Variants in C17orf67 observed in about 807,000 individuals in gnomAD.
C17orf67 encodes chromosome 17 open reading frame 67, also known as uncharacterized protein C17orf67.
In C17orf67, 12 loss-of-function variants were observed where a neutral mutation model predicts 11.2. The ratio of observed to expected loss-of-function variants is 1.07; its 90% confidence interval spans 0.68 to 1.73. The LOEUF (loss-of-function observed/expected upper bound fraction) is 1.73. C17orf67 is among the 40% of genes most tolerant of loss of function. The pLI is 0.00. For missense variants in C17orf67, 115 were observed against 113.5 expected (o/e 1.01, Z -0.06); for synonymous variants, 59 against 46.9 (o/e 1.26, Z -1.05).
chr17:56,829,917 T>C (rs1386354397), intron 2 of C17orf67, among the ~76,000 whole-genome samples: 1 of 152,244 alleles, frequency 6.6e-6, no homozygotes, highest in Non-Finnish European at 1.5e-5. Flanking sequence ...CTCTACAAAA[T>C]TATTGCACTT....
At position 56,828,951 on chromosome 17, in the gene C17orf67, T is replaced by C. The variant is rs1203009557; in HGVS notation, c.-556-3630A>G. Among the ~76,000 whole-genome samples, 4 of 151,928 alleles carry C rather than the reference T, an allele frequency of 2.6e-5. No homozygotes were observed. The East Asian group carries it at 7.7e-4, about 29-fold the overall frequency. On this transcript the variant is annotated intron_variant, in intron 2 of 7. Transcript: ENST00000397861. ...ACATCCCCAGTTTTGTAGATGCTTA[T>C]AAGGTGAACAGCACCAACGCAATGC...
intron 6 of C17orf67, 149 bp downstream of exon 6, chr17:56,814,720 G>C (rs1905712593): frequency 1.3e-6 from 1 of 763,040 alleles, no homozygotes; most frequent in Admixed American, 2.0e-5. Context: ...AAATGCATAG[G>C]TAAAAGATTG....
At chr17:56,821,014 A>T (rs1905890951) in intron 4 of C17orf67, among the ~76,000 whole-genome samples, 1 of 151,886 alleles carries the variant, frequency 6.6e-6, no homozygotes, top group Non-Finnish European at 1.5e-5. Flanking sequence ...GGTTCCAATG[A>T]TCCTCCTGCC....
chr17:56,803,406 A>G (rs1905372141), intron 6 of C17orf67, among the ~76,000 whole-genome samples: 1 of 152,260 alleles, frequency 6.6e-6, no homozygotes. Flanking sequence ...CACTGGTGAT[A>G]TTAACGAATG....
intron 6 of C17orf67, among the ~76,000 whole-genome samples, chr17:56,813,229 C>T (rs148315656): frequency 2.0e-5 from 3 of 151,802 alleles, no homozygotes; most frequent in East Asian, 1.9e-4. Flanking sequence ...ACCCGCCAGC[C>T]GCCAACAGGA....
chr17:56,815,032 C>T, intron 5 of C17orf67, 63 bp from the exon 6 acceptor site: 3 of 1,342,486 alleles, frequency 2.2e-6, no homozygotes, highest in Non-Finnish European at 3.2e-6. Flanking sequence ...GCCATCTCAA[C>T]AGTCCAAGGC....
chr17:56,809,723 A>G, intron 6 of C17orf67, among the ~76,000 whole-genome samples: 1 of 124,242 alleles, frequency 8.0e-6, no homozygotes, highest in South Asian at 2.7e-4. Context: ...TCACACATAC[A>G]CCCTCACACC....
chr17:56,806,370 A>G (rs574261769), intron 6 of C17orf67, among the ~76,000 whole-genome samples: 1 of 152,308 alleles, frequency 6.6e-6, no homozygotes, highest in South Asian at 2.1e-4. Flanking sequence ...TATACAAGTA[A>G]TTACTCTAGT....
At chr17:56,823,726 T>C (rs1905960668) in intron 4 of C17orf67, among the ~76,000 whole-genome samples, 1 of 152,218 alleles carries the variant, frequency 6.6e-6, no homozygotes, top group Non-Finnish European at 1.5e-5. Flanking sequence ...CTAAATGAGT[T>C]GAAAACTCAT....
At position 56,822,437 on chromosome 17, in the gene C17orf67, G is replaced by T. The variant is rs534334742; in HGVS notation, c.-201+2302C>A. Among the ~76,000 whole-genome samples the T allele has an allele frequency of 2.4e-3, 368 of 152,250 alleles. 1 individual carries two copies. The highest frequency in any genetic ancestry group is 2.4e-3 in the Non-Finnish European group (162 of 68,008). ...TGCCTGTGTTACGTTGGAGCTGAGTGACATTGGGGAAATTTCTTAACTTTC... is the reference window on the plus strand; with the variant it reads ...TGCCTGTGTTACGTTGGAGCTGAGTTACATTGGGGAAATTTCTTAACTTTC... On this transcript the variant is annotated intron_variant, in intron 4 of 7. Transcript: ENST00000397861.
chr17:56,830,828 G>A (rs1401460606), intron 2 of C17orf67, among the ~76,000 whole-genome samples: 1 of 152,270 alleles, frequency 6.6e-6, no homozygotes, highest in Non-Finnish European at 1.5e-5. Flanking sequence ...CATAAATGTG[G>A]GGCAATCTTG....
Position 56,814,899 on chromosome 17 carries a change from G to A in C17orf67, c.126C>T (p.Ser42=). 1 of 1,614,100 alleles carries A rather than the reference G, an allele frequency of 6.2e-7. No homozygotes were observed. The highest frequency in any genetic ancestry group is 2.2e-5 in the East Asian group (1 of 44,880). ...TTGGCTCATCGGGGAATCCGGGTTT[G>A]CTTGGTCTATCCTGTCGCCGAGATC... The part of the protein sequence containing the change: ...LLRSRRQDRP[S]KPGFPDEPMR... The change falls in exon 6 of 8, where the codon AGC becomes AGT. Residue 42 remains serine (S), a synonymous_variant. Transcript: ENST00000397861.
At chr17:56,832,504 T>C (rs1769463275) in intron 2 of C17orf67, among the ~76,000 whole-genome samples, 1 of 152,168 alleles carries the variant, frequency 6.6e-6, no homozygotes, top group African/African-American at 2.4e-5. Context: ...CTGAAAGCCA[T>C]TCCTCCAACA....
intron 2 of C17orf67, among the ~76,000 whole-genome samples, chr17:56,832,693 T>G (rs1481454005): frequency 1.3e-5 from 2 of 152,140 alleles, no homozygotes; most frequent in African/African-American, 4.8e-5. Flanking sequence ...CATTCCCTCC[T>G]CCTCCCTCTT....
chr17:56,827,529 A>AAGAGAAAGTCTT (rs1474062725), intron 2 of C17orf67, among the ~76,000 whole-genome samples: 3 of 152,214 alleles, frequency 2.0e-5, no homozygotes, highest in Admixed American at 6.5e-5. Flanking sequence ...GTAGCAGAGT[A>AAGAGAAAGTCTT]TCTTTAATGG....
intron 6 of C17orf67, among the ~76,000 whole-genome samples, chr17:56,798,108 C>T (rs1400531467): frequency 6.6e-6 from 1 of 152,086 alleles, no homozygotes; most frequent in East Asian, 1.9e-4. Flanking sequence ...GAAGCTTCAG[C>T]GCACTCCTCT....
At chr17:56,794,437 A>G (rs1267854002) in intron 7 of C17orf67, among the ~76,000 whole-genome samples, 1 of 152,090 alleles carries the variant, frequency 6.6e-6, no homozygotes. Context: ...ACAGACAGGG[A>G]GAAGCAAACA....
intron 2 of C17orf67, among the ~76,000 whole-genome samples, chr17:56,829,605 G>A (rs1156904271): frequency 6.6e-6 from 1 of 152,176 alleles, no homozygotes; most frequent in Non-Finnish European, 1.5e-5. Context: ...GACTCCATCC[G>A]AGGGTCCCTG....
intron 6 of C17orf67, among the ~76,000 whole-genome samples, chr17:56,800,029 T>C (rs1297269075): frequency 6.7e-6 from 1 of 148,376 alleles, no homozygotes; most frequent in Non-Finnish European, 1.5e-5. Flanking sequence ...AAAATCCCTC[T>C]TGATTTTTCT....
Sources: allele counts gnomAD v4.1 joint callset (sites outside exome capture counted in the v4.1 genomes callset), GRCh38; gene constraint gnomAD v4.1.1; transcripts MANE v1.5; gene names NCBI Gene and HGNC (gene_info 2026-07-23, HGNC 2026-07-21).